The following KSR1 variants were observed in gnomAD, a reference collection of about 807,000 sequenced individuals.
KSR1 encodes kinase suppressor of ras.
Under a neutral mutation model 92.9 loss-of-function variants are expected in KSR1, and 35 were observed. The ratio of observed to expected loss-of-function variants is 0.38; its 90% confidence interval spans 0.29 to 0.50. The LOEUF is 0.50. KSR1 is among the 20% of genes least tolerant of loss of function. The pLI is 0.94. For synonymous variants in KSR1, 467 were observed against 472.6 expected (o/e 0.99, Z 0.15); for missense variants, 972 against 1,158.5 (o/e 0.84, Z 2.34).
Position 27,527,215 on chromosome 17 carries a change from G to A in KSR1, c.232-23353G>A, listed in dbSNP as rs560805816. On this transcript the variant is annotated intron_variant, in intron 1 of 20. Coordinates refer to ENST00000644974, the MANE Select transcript of KSR1 (RefSeq NM_001394583.1). ...ATTTGGCAGGTTTTATAATTTCATT[G>A]TTTTGCATTTTCCACTATATTTCCC... 1.3e-4 allele frequency: 31 copies of A among 244,436 alleles called. No homozygotes were observed. The South Asian group carries it at 1.7e-3, about 13-fold the overall frequency. The allele number at this position is 244,436 out of a possible 1,614,324, so 15.1% of individuals were successfully genotyped here.
At chr17:27,470,800 T>G (rs1056060485) in intron 1 of KSR1, among the ~76,000 whole-genome samples, 2 of 152,184 alleles carry the variant, frequency 1.3e-5, no homozygotes, top group South Asian at 4.1e-4. Flanking sequence ...ATTCTCCCCA[T>G]TTTTTGACCT....
intron 2 of KSR1, among the ~76,000 whole-genome samples, chr17:27,552,136 C>T (rs754884174): frequency 6.6e-6 from 1 of 152,156 alleles, no homozygotes; most frequent in African/African-American, 2.4e-5. Flanking sequence ...GTGATGTGAT[C>T]TAAAGATCAT....
chr17:27,489,462 C>G (rs1432301974), intron 1 of KSR1, among the ~76,000 whole-genome samples: 1 of 152,206 alleles, frequency 6.6e-6, no homozygotes, highest in African/African-American at 2.4e-5. Context: ...TTTTTCTTTG[C>G]TTGCTCCATC....
Position 27,605,378 on chromosome 17 carries a change from G to A in KSR1, c.1615-56G>A, listed in dbSNP as rs1377266684. Reference sequence around the variant, plus strand: ...GGCTAGGGCTCCAGGAGAAGGAAGAGACGTCGCAGAGCCCAGATCTGCTGC... The same window carrying A: ...GGCTAGGGCTCCAGGAGAAGGAAGAAACGTCGCAGAGCCCAGATCTGCTGC... On this transcript the variant is annotated intron_variant, in intron 13 of 20. Coordinates refer to ENST00000644974, the MANE Select transcript of KSR1 (RefSeq NM_001394583.1). 13 of 1,550,210 alleles carry A rather than the reference G, an allele frequency of 8.4e-6. No homozygotes were observed. The East Asian group carries it at 2.5e-4, about 30-fold the overall frequency.
At chr17:27,480,433 T>A (rs191927258) in intron 1 of KSR1, among the ~76,000 whole-genome samples, 63 of 152,312 alleles carry the variant, frequency 4.1e-4, no homozygotes, top group African/African-American at 1.5e-3. Context: ...AGTCTTGCTC[T>A]GTTGCCCAGG....
intron 2 of KSR1, chr17:27,566,448 C>T (rs538133255): frequency 7.0e-5 from 28 of 399,174 alleles, no homozygotes; most frequent in Admixed American, 6.6e-4. Context: ...GGGCTCAGGC[C>T]CCCTTGTCAT....
intron 1 of KSR1, among the ~76,000 whole-genome samples, chr17:27,457,237 G>A (rs2019219234): frequency 6.6e-6 from 1 of 152,038 alleles, no homozygotes; most frequent in African/African-American, 2.4e-5. Context: ...CCGTGTGACT[G>A]AGCCGAGCAC....
chr17:27,592,286 C>A, intron 7 of KSR1, 75 bp from the exon 8 acceptor site: 2 of 1,153,544 alleles, frequency 1.7e-6, no homozygotes, highest in Admixed American at 1.9e-5. Context: ...TGAGTGAATG[C>A]TACACAGAGC....
At chr17:27,526,885 T>G in intron 1 of KSR1, 1 of 650,356 alleles carries the variant, frequency 1.5e-6, no homozygotes, top group South Asian at 1.9e-5. Context: ...TCCAGCAGCA[T>G]GCTGGTGATC....
chr17:27,617,241 T>C (rs2074088288), intron 18 of KSR1, 54 bp from the exon 19 acceptor site: 2 of 1,558,718 alleles, frequency 1.3e-6, no homozygotes, highest in African/African-American at 1.4e-5. Context: ...CCCTACTGTG[T>C]GCCCCCTCCC....
intron 16 of KSR1, 64 bp downstream of exon 16, chr17:27,609,393 T>C: frequency 6.3e-7 from 1 of 1,591,142 alleles, no homozygotes; most frequent in Non-Finnish European, 8.6e-7. Context: ...AGGGCTGAGG[T>C]CTGGGCACTT....
chr17:27,592,728 C>A (rs887664495), intron 9 of KSR1, 102 bp downstream of exon 9: 4 of 910,494 alleles, frequency 4.4e-6, no homozygotes, highest in Middle Eastern at 3.4e-4. Flanking sequence ...TGGCATGACA[C>A]CACCGTCTCA....
intron 14 of KSR1, 82 bp from the exon 15 acceptor site, chr17:27,607,832 G>T (rs1456665484): frequency 9.8e-7 from 1 of 1,017,526 alleles, no homozygotes; most frequent in Non-Finnish European, 1.5e-6. Context: ...GACGGGCACA[G>T]TTCTCCCCAT....
chr17:27,499,707 A>G (rs1361883646), intron 1 of KSR1, among the ~76,000 whole-genome samples: 1 of 152,244 alleles, frequency 6.6e-6, no homozygotes, highest in Non-Finnish European at 1.5e-5. Flanking sequence ...TGCTCCCCAC[A>G]GTGAAGATGG....
chr17:27,490,534 G>C (rs9893890), intron 1 of KSR1, among the ~76,000 whole-genome samples: 4 of 152,154 alleles, frequency 2.6e-5, no homozygotes, highest in Admixed American at 6.5e-5. Context: ...AAGCTGTACT[G>C]GTAGGAGGAT....
intron 11 of KSR1, chr17:27,601,912 C>G: frequency 6.2e-7 from 1 of 1,609,534 alleles, no homozygotes; most frequent in Non-Finnish European, 8.5e-7. Context: ...CTGGCCATTG[C>G]TGGAAATGCC....
intron 2 of KSR1, chr17:27,558,311 A>G (rs930030544): frequency 1.4e-5 from 2 of 148,106 alleles, no homozygotes; most frequent in Non-Finnish European, 3.0e-5. Context: ...CATATGATAG[A>G]TATCATTTTG....
Position 27,605,427 on chromosome 17 carries a change from C to T in KSR1, c.1615-7C>T, listed in dbSNP as rs780456515. 21 of 1,607,354 alleles carry T rather than the reference C, an allele frequency of 1.3e-5. No homozygotes were observed. The highest frequency in any genetic ancestry group is 1.4e-5 in the Non-Finnish European group (17 of 1,178,606). On this transcript the variant is annotated splice_region_variant and splice_polypyrimidine_tract_variant and intron_variant, in intron 13 of 20. Transcript: ENST00000644974. ...GCCCATCCCTGTTCTTCCTGCTCTC[C>T]TTTCAGGCTGAGGAGCCAGAGGCTG...
rs928565552 is a variant in KSR1, at chr17:27,559,221, G to C, written c.372+8513G>C. ...TTCCTGGTGTGGCTGAGGTGGCCCT[G>C]CGTGGGTTTCTTTCTGTTCCCACCT... On this transcript the variant is annotated intron_variant, in intron 2 of 20. Coordinates refer to ENST00000644974, the MANE Select transcript of KSR1 (RefSeq NM_001394583.1). The surrounding 1 kb of genome is among the most constrained non-coding windows in gnomAD (Gnocchi z 4.2). 7.9e-5 allele frequency among the ~76,000 whole-genome samples: 12 copies of C among 152,236 alleles called. No homozygotes were observed. The highest frequency in any genetic ancestry group is 2.9e-4 in the African/African-American group (12 of 41,458).
Sources: allele counts gnomAD v4.1 joint callset (sites outside exome capture counted in the v4.1 genomes callset), GRCh38; gene constraint gnomAD v4.1.1; non-coding constraint Gnocchi (gnomAD v3.1); transcripts MANE v1.5; gene names NCBI Gene and HGNC (gene_info 2026-07-23, HGNC 2026-07-21).